DHRS7C: variants seen among roughly 807,000 people sequenced by gnomAD.
The protein encoded by DHRS7C is dehydrogenase/reductase SDR family member 7C.
A neutral mutation model predicts 29.6 loss-of-function variants in DHRS7C; 28 were observed. That is an observed-to-expected ratio of 0.95 (90% CI 0.70 to 1.30). The LOEUF (loss-of-function observed/expected upper bound fraction) is 1.30. Among genes scored for constraint, DHRS7C ranks in the 50% most tolerant of loss-of-function variants. The probability of loss-of-function intolerance (pLI) is 0.00; values close to 1 mark genes in which losing one functional copy is unlikely to be tolerated. For missense variants in DHRS7C, 403 were observed against 393.3 expected (o/e 1.02, Z -0.21); for synonymous variants, 158 against 160.2 (o/e 0.99, Z 0.10).
chr17:9,784,599 T>A (rs940743291), intron 1 of DHRS7C, among the ~76,000 whole-genome samples: 1 of 152,228 alleles, frequency 6.6e-6, no homozygotes, highest in African/African-American at 2.4e-5. Flanking sequence ...AGAAAAGGGT[T>A]AATTTGATAT....
At position 9,771,707 on chromosome 17, in the gene DHRS7C, C is replaced by T; in HGVS notation, c.728-11G>A. ...GCTTCCTGAAAAAGACTGAAAGGCC[C>T]CAGTTGGGGGCGGGGGTTATGACCT... On this transcript the variant is annotated splice_polypyrimidine_tract_variant and intron_variant, in intron 5 of 5. Coordinates refer to ENST00000571134, the MANE Select transcript of DHRS7C (RefSeq NM_001105571.3). 6.9e-7 allele frequency: 1 copy of T among 1,453,796 alleles called. No homozygotes were observed. Among genetic ancestry groups the T allele is most frequent in the Non-Finnish European group, 9.1e-7 (1 of 1,094,298 alleles). 90.1% of individuals were successfully genotyped at this position (1,453,796 alleles called of 1,614,324 possible).
chr17:9,787,313 T>C (rs2066429667), intron 1 of DHRS7C, among the ~76,000 whole-genome samples: 1 of 152,196 alleles, frequency 6.6e-6, no homozygotes, highest in Non-Finnish European at 1.5e-5. Context: ...AGATCAAACC[T>C]CTGGCCTTGG....
At chr17:9,776,444 G>A (rs1567700846) in intron 4 of DHRS7C, among the ~76,000 whole-genome samples, 1 of 152,190 alleles carries the variant, frequency 6.6e-6, no homozygotes, top group Non-Finnish European at 1.5e-5. Context: ...ACGGCAGCCT[G>A]AGCAAATTCA....
intron 4 of DHRS7C, among the ~76,000 whole-genome samples, chr17:9,773,876 C>T (rs568040995): frequency 6.6e-6 from 1 of 152,010 alleles, no homozygotes; most frequent in Non-Finnish European, 1.5e-5. Flanking sequence ...AGGCACGCCA[C>T]CATGCCCAGC....
chr17:9,785,802 C>T (rs375217085), intron 1 of DHRS7C, among the ~76,000 whole-genome samples: 4 of 152,246 alleles, frequency 2.6e-5, no homozygotes, highest in Middle Eastern at 3.4e-3. Flanking sequence ...GAGTTTTTCT[C>T]GCTCTCCTAT....
intron 1 of DHRS7C, among the ~76,000 whole-genome samples, chr17:9,790,800 A>G (rs80078386): frequency 0.016 from 2,435 of 152,308 alleles, 67 homozygotes; most frequent in African/African-American, 0.055. Flanking sequence ...TGGGCTCACA[A>G]CCAGTACATT....
At position 9,771,620 on chromosome 17, in the gene DHRS7C, C is replaced by T; in HGVS notation, c.804G>A (p.Lys268=). Residue 268 remains lysine (K), a synonymous_variant, in exon 6 of 6, where the codon AAG becomes AAA. Transcript: ENST00000571134. ...GGTTGGCCATAAACACCTCTTGCTTCTTCCTCCGCACGGTGCGCATCACCT... is the reference window on the plus strand; with the variant it reads ...GGTTGGCCATAAACACCTCTTGCTTTTTCCTCCGCACGGTGCGCATCACCT... The part of the protein sequence containing the change: ...AEEVMRTVRR[K]KQEVFMANPI... The T allele has an allele frequency of 6.2e-7, 1 of 1,602,292 alleles. No homozygotes were observed.
At chr17:9,777,818 G>C (rs2066371031) in intron 3 of DHRS7C, among the ~76,000 whole-genome samples, 1 of 152,124 alleles carries the variant, frequency 6.6e-6, no homozygotes, top group Admixed American at 6.5e-5. Flanking sequence ...AACAAAGAGA[G>C]GGAAGATTGT....
rs532986296 is a variant in DHRS7C, at chr17:9,774,832, C to T, written c.572-1910G>A. On this transcript the variant is annotated intron_variant, in intron 4 of 5. Coordinates refer to ENST00000571134, the MANE Select transcript of DHRS7C (RefSeq NM_001105571.3). The surrounding 1 kb of genome is among the most constrained non-coding windows in gnomAD (Gnocchi z 5.0). ...CCCACGCCAGCTCCTTGTGTCTTTCCAAAGCCGGATTCAGAGGAAGAAGAG... is the reference window on the plus strand; with the variant it reads ...CCCACGCCAGCTCCTTGTGTCTTTCTAAAGCCGGATTCAGAGGAAGAAGAG... 2.6e-5 allele frequency among the ~76,000 whole-genome samples: 4 copies of T among 152,268 alleles called. No homozygotes were observed. Among genetic ancestry groups the T allele is most frequent in the Non-Finnish European group, 4.4e-5 (3 of 68,020 alleles).
intron 1 of DHRS7C, 24 bp from the exon 2 acceptor site, chr17:9,781,618 C>A: frequency 6.2e-7 from 1 of 1,609,950 alleles, no homozygotes; most frequent in Non-Finnish European, 8.5e-7. Flanking sequence ...GGAAACAGGG[C>A]AGGGCACACT....
At chr17:9,781,846 T>A (rs946621660) in intron 1 of DHRS7C, among the ~76,000 whole-genome samples, 7 of 152,184 alleles carry the variant, frequency 4.6e-5, no homozygotes, top group African/African-American at 1.7e-4. Context: ...AAAGTTCTGA[T>A]TATTGGAAAT....
At chr17:9,785,592 GC>G (rs1481068304) in intron 1 of DHRS7C, among the ~76,000 whole-genome samples, 2 of 152,192 alleles carry the variant, frequency 1.3e-5, no homozygotes, top group African/African-American at 4.8e-5. Flanking sequence ...GGAGTAGACT[GC>G]CCGGGAACCA....
intron 4 of DHRS7C, among the ~76,000 whole-genome samples, chr17:9,776,859 G>A (rs1300908020): frequency 6.6e-6 from 1 of 152,174 alleles, no homozygotes; most frequent in Non-Finnish European, 1.5e-5. Flanking sequence ...GGAGGAAGGG[G>A]CATTGGAGCT....
intron 2 of DHRS7C, 36 bp downstream of exon 2, chr17:9,781,446 C>T: frequency 6.3e-7 from 1 of 1,599,112 alleles, no homozygotes. Flanking sequence ...TGGGAGTTCC[C>T]AGGAGTTACC....
chr17:9,778,394 C>CAAAAAAAAA (rs60847065), intron 3 of DHRS7C, among the ~76,000 whole-genome samples: 1 of 82,966 alleles, frequency 1.2e-5, no homozygotes, highest in Non-Finnish European at 2.5e-5. Context: ...GACTCCGTCT[C>CAAAAAAAAA]AAAAAAAAAA....
rs148738316 is a variant in DHRS7C, at chr17:9,786,251, C to T, written c.155-4657G>A. ...CTGAGGCAGGGGAATCGCTTGAACCCGGGAGGCTGAGGTTGCAGTGAGCTG... is the reference window on the plus strand; with the variant it reads ...CTGAGGCAGGGGAATCGCTTGAACCTGGGAGGCTGAGGTTGCAGTGAGCTG... On this transcript the variant is annotated intron_variant, in intron 1 of 5. Transcript: ENST00000571134. Among the ~76,000 whole-genome samples, 123 of 151,582 alleles carry T rather than the reference C, an allele frequency of 8.1e-4. 1 individual carries two copies. The East Asian group carries it at 0.022, about 27-fold the overall frequency.
chr17:9,784,053 T>C (rs2066408847), intron 1 of DHRS7C, among the ~76,000 whole-genome samples: 1 of 150,988 alleles, frequency 6.6e-6, no homozygotes, highest in South Asian at 2.1e-4. Flanking sequence ...TATAAAAACA[T>C]AACCAAAACA....
intron 4 of DHRS7C, among the ~76,000 whole-genome samples, chr17:9,776,555 C>T (rs961149887): frequency 2.0e-5 from 3 of 152,050 alleles, no homozygotes; most frequent in East Asian, 1.9e-4. Flanking sequence ...GTGTGGGCCA[C>T]GAATAAATGT....
intron 3 of DHRS7C, among the ~76,000 whole-genome samples, chr17:9,779,043 G>A (rs2066378611): frequency 6.6e-6 from 1 of 152,076 alleles, no homozygotes; most frequent in Admixed American, 6.6e-5. Flanking sequence ...CTGAGTAGCT[G>A]GGATTACAGG....
Sources: allele counts gnomAD v4.1 joint callset (sites outside exome capture counted in the v4.1 genomes callset), GRCh38; gene constraint gnomAD v4.1.1; non-coding constraint Gnocchi (gnomAD v3.1); transcripts MANE v1.5; gene names NCBI Gene and HGNC (gene_info 2026-07-23, HGNC 2026-07-21).